RUFY3: variants seen among roughly 807,000 people sequenced by gnomAD.
RUFY3 encodes the protein RUN and FYVE domain containing 3.
RUFY3 carries 34 observed loss-of-function variants against 84.0 expected under a neutral mutation model. The observed-to-expected ratio is 0.40, with a 90% CI of 0.31 to 0.54. The LOEUF is 0.54. Among genes scored for constraint, RUFY3 ranks in the 20% least tolerant of loss-of-function variants. The probability of loss-of-function intolerance (pLI) is 0.39; values close to 1 mark genes in which losing one functional copy is unlikely to be tolerated. For missense variants in RUFY3, 507 were observed against 736.8 expected (o/e 0.69, Z 3.61); for synonymous variants, 242 against 252.9 (o/e 0.96, Z 0.41).
At chr4:70,750,624 ACT>A (rs1722982044) in intron 1 of RUFY3, among the ~76,000 whole-genome samples, 1 of 152,122 alleles carries the variant, frequency 6.6e-6, no homozygotes, top group South Asian at 2.1e-4. Context: ...ATCCATCACC[ACT>A]CTCTAATCGA....
chr4:70,724,994 C>T (rs996604348), intron 1 of RUFY3, among the ~76,000 whole-genome samples: 3 of 152,112 alleles, frequency 2.0e-5, no homozygotes, highest in East Asian at 1.9e-4. Context: ...GACTGCTTTC[C>T]GGGCTGATTC....
intron 10 of RUFY3, among the ~76,000 whole-genome samples, chr4:70,787,168 GAAAAA>G (rs71211959): frequency 1.9e-5 from 1 of 53,024 alleles, no homozygotes; most frequent in Non-Finnish European, 3.2e-5. Flanking sequence ...CCCTGTCTCA[GAAAAA>G]AAAAAAAAAA....
upstream of RUFY3, chr4:70,721,864 C>G (rs1742342297): frequency 3.3e-6 from 4 of 1,230,192 alleles, no homozygotes; most frequent in South Asian, 4.3e-5. Context: ...AGAGAGAAGC[C>G]TAATTGCTCT....
intron 4 of RUFY3, among the ~76,000 whole-genome samples, chr4:70,765,209 G>GTGTGTGTATATA (rs144995233): frequency 1.5e-5 from 2 of 137,216 alleles, no homozygotes; most frequent in East Asian, 4.4e-4. Context: ...AAAAAAATGT[G>GTGTGTGTATATA]TATATATATA....
At chr4:70,749,287 T>C (rs560570103) in intron 1 of RUFY3, among the ~76,000 whole-genome samples, 4 of 152,276 alleles carry the variant, frequency 2.6e-5, no homozygotes, top group Non-Finnish European at 5.9e-5. Context: ...TAAAGGTAAC[T>C]GAAGAAGTCT....
rs750474618 is a variant in RUFY3 at position 70,793,726 on chromosome 4, G to GTCTT, written c.1338-58_1338-55dup. On this transcript the variant is annotated intron_variant, in intron 12 of 17. Transcript: ENST00000381006. Reference sequence around the variant, plus strand: ...TATTTTATTTTGTGTTGTGAACTTGGTCTTCTTCCCCACCATGGCTTTTGT... The same window carrying GTCTT: ...TATTTTATTTTGTGTTGTGAACTTGGTCTTTCTTCTTCCCCACCATGGCTTTTGT... 3.7e-6 allele frequency: 6 copies of GTCTT among 1,612,510 alleles called. No individual in the cohort carries two copies. The African/African-American group carries it at 8.0e-5, about 22-fold the overall frequency.
chr4:70,805,938 C>T (rs77525345), intron 17 of RUFY3, among the ~76,000 whole-genome samples: 17 of 152,274 alleles, frequency 1.1e-4, no homozygotes, highest in Non-Finnish European at 2.5e-4. Context: ...TGTGCTTGAC[C>T]ATTAAAGATG....
At chr4:70,802,180 CA>C (rs1269114690) in intron 15 of RUFY3, among the ~76,000 whole-genome samples, 1 of 152,182 alleles carries the variant, frequency 6.6e-6, no homozygotes, top group East Asian at 1.9e-4. Flanking sequence ...TACCTATTAG[CA>C]ACTTCCAGGA....
chr4:70,757,577 C>T (rs985996304), intron 1 of RUFY3, among the ~76,000 whole-genome samples: 4 of 152,134 alleles, frequency 2.6e-5, no homozygotes, highest in Admixed American at 1.3e-4. Flanking sequence ...GCACTCCAGC[C>T]TGGGCAACAA....
intron 1 of RUFY3, among the ~76,000 whole-genome samples, chr4:70,714,281 A>G (rs2148565989): frequency 6.6e-6 from 1 of 152,262 alleles, no homozygotes; most frequent in East Asian, 1.9e-4. Context: ...TCTACTCACT[A>G]ATGCCCTATT....
chr4:70,746,404 G>A (rs1209632371), intron 1 of RUFY3, among the ~76,000 whole-genome samples: 1 of 151,300 alleles, frequency 6.6e-6, no homozygotes, highest in Non-Finnish European at 1.5e-5. Flanking sequence ...CTACTCAGAA[G>A]GCTGAGGCAA....
intron 1 of RUFY3, among the ~76,000 whole-genome samples, chr4:70,710,032 G>C (rs966378336): frequency 6.6e-6 from 1 of 152,210 alleles, no homozygotes; most frequent in Non-Finnish European, 1.5e-5. Flanking sequence ...ACTTAACAGC[G>C]AGTGCCATGA....
At chr4:70,789,996 C>A in intron 12 of RUFY3, 1 of 603,910 alleles carries the variant, frequency 1.7e-6, no homozygotes. Flanking sequence ...GATATAGAGG[C>A]ACTGAGAGAT....
At chr4:70,709,350 T>C (rs578006944) in intron 1 of RUFY3, among the ~76,000 whole-genome samples, 23 of 152,354 alleles carry the variant, frequency 1.5e-4, no homozygotes, top group African/African-American at 4.6e-4. Context: ...TCTATGCTCA[T>C]TGTTTAAATG....
chr4:70,764,688 G>A (rs1725553078), intron 4 of RUFY3, 112 bp downstream of exon 4: 1 of 620,262 alleles, frequency 1.6e-6, no homozygotes, highest in African/African-American at 1.9e-5. Flanking sequence ...ATTCATAACA[G>A]CTTCACTGAT....
intron 1 of RUFY3, among the ~76,000 whole-genome samples, chr4:70,755,799 AAGTT>A (rs1723911609): frequency 1.3e-5 from 2 of 151,926 alleles, no homozygotes; most frequent in African/African-American, 2.4e-5. Flanking sequence ...AAAATACAAA[AAGTT>A]AGCCGGGCGT....
chr4:70,783,068 T>A (rs1184363707), intron 8 of RUFY3, 23 bp from the exon 9 acceptor site: 1 of 1,424,372 alleles, frequency 7.0e-7, no homozygotes, highest in South Asian at 1.2e-5. Context: ...GATAAAAGAT[T>A]ATTTTTAAAA....
intron 1 of RUFY3, among the ~76,000 whole-genome samples, chr4:70,748,507 A>T (rs1364269228): frequency 6.6e-6 from 1 of 152,242 alleles, no homozygotes; most frequent in Non-Finnish European, 1.5e-5. Context: ...GACAGTGGTT[A>T]TTCCTGGTTT....
In RUFY3 at chr4:70,784,648, T is replaced by G; in HGVS notation, c.988-148T>G. On this transcript the variant is annotated intron_variant, in intron 9 of 17. Coordinates refer to ENST00000381006, the MANE Select transcript of RUFY3 (RefSeq NM_001037442.4). ...CCCAATTCAGCTTAACCTTTAAAAA[T>G]GTACTAGACTTCAATTTCTTTGTTG... is the stretch of plus-strand genomic sequence containing the variant. The G allele has an allele frequency of 8.9e-6, 4 of 448,750 alleles. 2 individuals carry two copies. In the South Asian group the frequency reaches 3.5e-4, roughly 39 times the overall value. 27.8% of individuals were successfully genotyped at this position (448,750 alleles called of 1,614,324 possible).
Sources: allele counts gnomAD v4.1 joint callset (sites outside exome capture counted in the v4.1 genomes callset), GRCh38; gene constraint gnomAD v4.1.1; transcripts MANE v1.5; gene names NCBI Gene and HGNC (gene_info 2026-07-23, HGNC 2026-07-21).